AKT3: variants seen among roughly 807,000 people sequenced by gnomAD.
The protein encoded by AKT3 is AKT serine/threonine kinase 3, also known as RAC-gamma serine/threonine-protein kinase.
AKT3 carries 15 observed loss-of-function variants against 65.3 expected under a neutral mutation model. The observed-to-expected ratio is 0.23, with a 90% CI of 0.15 to 0.35. The LOEUF is 0.35. AKT3 is among the 10% of genes least tolerant of loss of function. The pLI, the probability that AKT3 is intolerant of heterozygous loss-of-function variation, is 1.00. For missense variants in AKT3, 243 were observed against 576.5 expected, an observed-to-expected ratio of 0.42 and a Z score of 5.92; for synonymous variants, 206 against 183.8, an observed-to-expected ratio of 1.12 and a Z score of -0.98.
At chr1:243,622,430 T>C (rs781600979) in intron 6 of AKT3, among the ~76,000 whole-genome samples, 1 of 152,256 alleles carries the variant, frequency 6.6e-6, no homozygotes, top group African/African-American at 2.4e-5. Context: ...ACATACTCTA[T>C]GGTTTATTTA....
At chr1:243,598,053 A>AT (rs1235619733) in intron 8 of AKT3, among the ~76,000 whole-genome samples, 2 of 152,124 alleles carry the variant, frequency 1.3e-5, no homozygotes, top group Non-Finnish European at 2.9e-5. Context: ...TTAATGCTCT[A>AT]TTTTTTTCTT....
intron 2 of AKT3, among the ~76,000 whole-genome samples, chr1:243,701,163 C>G (rs1396678196): frequency 1.3e-5 from 2 of 152,196 alleles, no homozygotes; most frequent in Non-Finnish European, 2.9e-5. Context: ...GTGTACATCT[C>G]TGGACTAAAC....
intron 12 of AKT3, among the ~76,000 whole-genome samples, chr1:243,525,170 T>C (rs1670964520): frequency 6.6e-6 from 1 of 152,142 alleles, no homozygotes; most frequent in Non-Finnish European, 1.5e-5. Flanking sequence ...GCTCCAAGCC[T>C]CCTAGTGAAG....
chr1:243,649,997 C>A (rs570017757), intron 4 of AKT3, among the ~76,000 whole-genome samples: 1 of 152,280 alleles, frequency 6.6e-6, no homozygotes, highest in East Asian at 1.9e-4. Flanking sequence ...ACACTGTCTT[C>A]CACAATGGTT....
intron 5 of AKT3, among the ~76,000 whole-genome samples, chr1:243,643,507 C>T (rs532437810): frequency 6.6e-6 from 1 of 152,242 alleles, no homozygotes; most frequent in African/African-American, 2.4e-5. Flanking sequence ...TCCTCTGAAA[C>T]GCTATCTTTT....
At chr1:243,589,938 T>C (rs899142650) in intron 8 of AKT3, among the ~76,000 whole-genome samples, 9 of 152,194 alleles carry the variant, frequency 5.9e-5, no homozygotes, top group African/African-American at 2.2e-4. Context: ...AGTCCTACCA[T>C]TTGTGACAAC....
intron 2 of AKT3, among the ~76,000 whole-genome samples, chr1:243,757,154 G>C (rs1689187302): frequency 6.6e-6 from 1 of 152,164 alleles, no homozygotes; most frequent in Non-Finnish European, 1.5e-5. Flanking sequence ...CGAAAGAATT[G>C]GCAAAATCTG....
At chr1:243,777,228 G>A (rs1572332305) in intron 2 of AKT3, among the ~76,000 whole-genome samples, 1 of 152,174 alleles carries the variant, frequency 6.6e-6, no homozygotes, top group Non-Finnish European at 1.5e-5. Context: ...TTCTCATAAG[G>A]AGAGTGCAAC....
chr1:243,628,769 C>G (rs1020371090), intron 6 of AKT3, among the ~76,000 whole-genome samples: 4 of 152,194 alleles, frequency 2.6e-5, no homozygotes, highest in Admixed American at 1.3e-4. Context: ...CAGCCAGCAT[C>G]CTGTTTGGAA....
At chr1:243,633,880 T>C (rs941991988) in intron 6 of AKT3, among the ~76,000 whole-genome samples, 3 of 152,078 alleles carry the variant, frequency 2.0e-5, no homozygotes, top group South Asian at 2.1e-4. Flanking sequence ...TCCAATTCCA[T>C]GCTGTCTCCA....
chr1:243,645,100 G>A (rs1049113927), intron 5 of AKT3, among the ~76,000 whole-genome samples: 3 of 152,098 alleles, frequency 2.0e-5, no homozygotes, highest in African/African-American at 7.2e-5. Flanking sequence ...ATGAACTCAG[G>A]CAGTCTATCT....
chr1:243,812,514 C>T (rs1025120354), intron 2 of AKT3, among the ~76,000 whole-genome samples: 17 of 152,262 alleles, frequency 1.1e-4, no homozygotes, highest in South Asian at 4.2e-4. Context: ...ATTAAAAAGT[C>T]AGGAAACAAC....
At chr1:243,497,670 G>A (rs115046103), downstream of AKT3, among the ~76,000 whole-genome samples, 544 of 152,246 alleles carry the variant, frequency 3.6e-3, 4 homozygotes, top group African/African-American at 0.012. Flanking sequence ...AAAAAATTCC[G>A]CAACACATTT....
At chr1:243,795,626 T>C (rs961640884) in intron 2 of AKT3, among the ~76,000 whole-genome samples, 2 of 150,262 alleles carry the variant, frequency 1.3e-5, no homozygotes, top group Non-Finnish European at 3.0e-5. Flanking sequence ...CGCCCGCCAC[T>C]ACGCCCGGCT....
At chr1:243,623,250 G>A (rs1346681183) in intron 6 of AKT3, among the ~76,000 whole-genome samples, 1 of 152,168 alleles carries the variant, frequency 6.6e-6, no homozygotes, top group Non-Finnish European at 1.5e-5. Context: ...GCTTGCCTAT[G>A]TGACTGACTT....
chr1:243,498,952 A>C (rs567334516), downstream of AKT3, among the ~76,000 whole-genome samples: 1 of 152,388 alleles, frequency 6.6e-6, no homozygotes, highest in Non-Finnish European at 1.5e-5. Flanking sequence ...TTCACAATCT[A>C]GAGGGCGAGG....
intron 2 of AKT3, among the ~76,000 whole-genome samples, chr1:243,755,203 G>A (rs1253661017): frequency 2.6e-5 from 4 of 151,706 alleles, no homozygotes; most frequent in Admixed American, 1.3e-4. Flanking sequence ...AGAGCAGTGG[G>A]GATTACAGGC....
At chr1:243,649,757 G>A (rs1681158666) in intron 4 of AKT3, among the ~76,000 whole-genome samples, 1 of 152,070 alleles carries the variant, frequency 6.6e-6, no homozygotes, top group Admixed American at 6.5e-5. Context: ...CCTTTTTTAT[G>A]GCTGCATAGT....
Position 243,664,902 on chromosome 1 carries a change from GTTTC to G in AKT3, c.173-23_173-20del, listed in dbSNP as rs773557899. 269 of 1,394,420 alleles carry G rather than the reference GTTTC, an allele frequency of 1.9e-4. No individual in the cohort carries two copies. In the South Asian group the frequency reaches 2.0e-3, roughly 10 times the overall value. 86.4% of individuals were successfully genotyped at this position (1,394,420 alleles called of 1,614,324 possible). ...TGGCATTCTAAGAATAAAATAAAAT[GTTTC>G]TTTAAATATGGATATATTTAAAACA... On this transcript the variant is annotated intron_variant, in intron 3 of 13. Coordinates refer to ENST00000673466, the MANE Select transcript of AKT3 (RefSeq NM_005465.7).
Sources: allele counts gnomAD v4.1 joint callset (sites outside exome capture counted in the v4.1 genomes callset), GRCh38; gene constraint gnomAD v4.1.1; transcripts MANE v1.5; gene names NCBI Gene and HGNC (gene_info 2026-07-23, HGNC 2026-07-21).